TTC39C: variants seen among roughly 807,000 people sequenced by gnomAD.
The protein encoded by TTC39C is tetratricopeptide repeat domain 39C, also known as tetratricopeptide repeat protein 39C.
TTC39C carries 33 observed loss-of-function variants against 76.3 expected under a neutral mutation model. The observed-to-expected ratio is 0.43, with a 90% CI of 0.33 to 0.58. The LOEUF (loss-of-function observed/expected upper bound fraction) is 0.58, where lower values mean the gene tolerates loss of function less well. TTC39C is among the 20% of genes least tolerant of loss of function. The pLI is 0.04. For synonymous variants in TTC39C, 254 were observed against 260.6 expected (o/e 0.97, Z 0.24); for missense variants, 595 against 701.4 (o/e 0.85, Z 1.71).
At chr18:24,006,856 G>T (rs1286987746) in intron 1 of TTC39C, among the ~76,000 whole-genome samples, 1 of 152,106 alleles carries the variant, frequency 6.6e-6, no homozygotes, top group Non-Finnish European at 1.5e-5. Flanking sequence ...TGTGTATCTG[G>T]CTACGTGTCT....
intron 1 of TTC39C, among the ~76,000 whole-genome samples, chr18:24,017,453 T>C (rs1316211161): frequency 6.6e-6 from 1 of 152,238 alleles, no homozygotes; most frequent in Non-Finnish European, 1.5e-5. Context: ...TGGCCCCGAC[T>C]AAGTGTAAGC....
chr18:24,120,060 TAG>T lies in TTC39C; in HGVS notation c.1186+1833_1186+1834del, dbSNP rs1375975436. ...TCTCTGTTCCTGCATTGGGATTTTG[TAG>T]AGAGGATAAGATGTGGGTGAATAGC... On this transcript the variant is annotated intron_variant, in intron 8 of 13. Coordinates refer to ENST00000317571, the MANE Select transcript of TTC39C (RefSeq NM_001135993.2). Among the ~76,000 whole-genome samples, 7 of 151,046 alleles carry T rather than the reference TAG, an allele frequency of 4.6e-5. No individual in the cohort carries two copies. In the East Asian group the frequency reaches 1.4e-3, roughly 30 times the overall value.
At chr18:24,086,229 G>A (rs1568432209) in intron 6 of TTC39C, among the ~76,000 whole-genome samples, 1 of 152,272 alleles carries the variant, frequency 6.6e-6, no homozygotes, top group South Asian at 2.1e-4. Context: ...TAGGGCAGGT[G>A]CATTATATGA....
chr18:24,006,575 G>A (rs1391705401), intron 1 of TTC39C: 2 of 151,026 alleles, frequency 1.3e-5, no homozygotes, highest in East Asian at 1.9e-4. Context: ...TAATGCTATC[G>A]GGGCGGGGGC....
At chr18:24,082,014 TG>T (rs370867986) in intron 5 of TTC39C, among the ~76,000 whole-genome samples, 6 of 147,484 alleles carry the variant, frequency 4.1e-5, no homozygotes, top group South Asian at 2.1e-4. Context: ...GTCTGGCTGT[TG>T]TTTTTTTTTT....
chr18:24,077,739 A>G (rs1003127104), intron 4 of TTC39C, among the ~76,000 whole-genome samples: 4 of 152,084 alleles, frequency 2.6e-5, no homozygotes, highest in East Asian at 3.9e-4. Flanking sequence ...TTAGATTCCA[A>G]TTGCCTCTGT....
intron 1 of TTC39C, among the ~76,000 whole-genome samples, chr18:24,018,859 A>C (rs2083486676): frequency 6.6e-6 from 1 of 152,190 alleles, no homozygotes; most frequent in Non-Finnish European, 1.5e-5. Flanking sequence ...AGGCCGTTGC[A>C]CTGGATGGCT....
intron 1 of TTC39C, among the ~76,000 whole-genome samples, chr18:24,005,326 T>C (rs2083343449): frequency 6.6e-6 from 1 of 152,192 alleles, no homozygotes; most frequent in Non-Finnish European, 1.5e-5. Flanking sequence ...CAGCACGTAG[T>C]GATGCTAGCC....
At chr18:24,013,884 A>G (rs1489608887), upstream of TTC39C, among the ~76,000 whole-genome samples, 2 of 152,274 alleles carry the variant, frequency 1.3e-5, no homozygotes, top group Non-Finnish European at 2.9e-5. Flanking sequence ...ACATTTGGTC[A>G]TATGAACGCC....
intron 1 of TTC39C, chr18:24,022,653 C>A (rs1206663522): frequency 1.0e-6 from 1 of 985,278 alleles, no homozygotes; most frequent in Non-Finnish European, 1.2e-6. Context: ...ATCAAACCCC[C>A]AGAGAGATCT....
chr18:24,009,102 TG>T (rs949933385), intron 1 of TTC39C, among the ~76,000 whole-genome samples: 18 of 152,198 alleles, frequency 1.2e-4, no homozygotes, highest in African/African-American at 4.1e-4. Flanking sequence ...TATTGGTCAC[TG>T]GGCTTAGAAC....
chr18:24,023,987 TATATATATATATATATATATA>T (rs2083559435), intron 1 of TTC39C, among the ~76,000 whole-genome samples: 1 of 4,832 alleles, frequency 2.1e-4, no homozygotes, highest in African/African-American at 5.1e-4. Context: ...TATACATATA[TATATATATATATATATATATA>T]TATATATATT....
chr18:24,093,815 C>T (rs1328026747), intron 6 of TTC39C, among the ~76,000 whole-genome samples: 2 of 152,178 alleles, frequency 1.3e-5, no homozygotes, highest in African/African-American at 4.8e-5. Context: ...TATCAATCAT[C>T]TGAGCCTTCA....
intron 6 of TTC39C, among the ~76,000 whole-genome samples, chr18:24,098,567 CCCTT>C (rs1188345949): frequency 5.5e-5 from 6 of 109,342 alleles, no homozygotes; most frequent in Non-Finnish European, 7.4e-5. Flanking sequence ...CCTCTCCTCT[CCCTT>C]TCTTGCTTTC....
chr18:24,006,123 C>T (rs1487089132), intron 1 of TTC39C, among the ~76,000 whole-genome samples: 1 of 151,996 alleles, frequency 6.6e-6, no homozygotes, highest in Non-Finnish European at 1.5e-5. Context: ...AGCCATCCTC[C>T]CACCTTAGTC....
rs35872928 is a variant in TTC39C, at chr18:24,109,176, C to CA, written c.985-5356dup. ...AAACATAGCAAGACTCCCGTCTCTA[C>CA]AAAAAAAAAAAAAAAAAAAAAAGTT... On this transcript the variant is annotated intron_variant, in intron 6 of 13. Transcript: ENST00000317571. Among the ~76,000 whole-genome samples, 221 of 73,842 alleles carry CA rather than the reference C, an allele frequency of 3.0e-3. 6 individuals are homozygous for CA. Among genetic ancestry groups the CA allele is most frequent in the African/African-American group, 8.6e-3 (142 of 16,512 alleles). 48.4% of individuals were successfully genotyped at this position (73,842 alleles called of 152,430 possible). A position where few individuals can be genotyped will look rare whatever the true frequency, so the allele number is the denominator to read the frequency against.
chr18:24,112,170 C>T (rs1599337027), intron 6 of TTC39C, among the ~76,000 whole-genome samples: 1 of 152,318 alleles, frequency 6.6e-6, no homozygotes, highest in East Asian at 1.9e-4. Context: ...CTTGTGGCAG[C>T]ATCACTCCAG....
intron 1 of TTC39C, among the ~76,000 whole-genome samples, chr18:24,059,278 A>G (rs970805891): frequency 8.5e-5 from 13 of 152,310 alleles, no homozygotes; most frequent in Non-Finnish European, 1.8e-4. Context: ...AACTTGTGTC[A>G]TGGAGATTTG....
chr18:24,002,850 CAGAAAGAGAACTAACAA>C (rs2083324649), intron 1 of TTC39C, among the ~76,000 whole-genome samples: 1 of 152,206 alleles, frequency 6.6e-6, no homozygotes, highest in Non-Finnish European at 1.5e-5. Context: ...TCACTTGCAA[CAGAAAGAGAACTAACAA>C]TTTCACACAC....
Sources: allele counts gnomAD v4.1 joint callset (sites outside exome capture counted in the v4.1 genomes callset), GRCh38; gene constraint gnomAD v4.1.1; transcripts MANE v1.5; gene names NCBI Gene and HGNC (gene_info 2026-07-23, HGNC 2026-07-21).